Variants in CCDC91 observed in about 807,000 individuals in gnomAD.
The protein encoded by CCDC91 is coiled-coil domain-containing protein 91.
CCDC91 carries 48 observed loss-of-function variants against 63.2 expected under a neutral mutation model. That is an observed-to-expected ratio of 0.76 (90% CI 0.60 to 0.97). CCDC91 has a LOEUF of 0.97. Ranked by LOEUF, CCDC91 falls within the 50% of genes least tolerant of loss-of-function variation. CCDC91 has a pLI of 0.00. For synonymous variants in CCDC91, 167 were observed against 165.8 expected (o/e 1.01, Z -0.06); for missense variants, 500 against 494.6 (o/e 1.01, Z -0.10).
chr12:28,540,676 T>TA (rs1942564281), intron 12 of CCDC91, among the ~76,000 whole-genome samples: 1 of 152,140 alleles, frequency 6.6e-6, no homozygotes, highest in South Asian at 2.1e-4. Flanking sequence ...AATTTGATAA[T>TA]ACATTGTAGA....
In CCDC91 at chr12:28,499,486, C is replaced by T. The variant is rs1178793851; in HGVS notation, c.1215+15321C>T. On this transcript the variant is annotated intron_variant, in intron 12 of 12. Coordinates refer to ENST00000536442, the MANE Select transcript of CCDC91 (RefSeq NM_018318.5). ...CCTGTCATCTATATTAGGTATTTCT[C>T]CTAATGCTATCCTTCCCCTACCCCC... Among the ~76,000 whole-genome samples, 15 of 151,864 alleles carry T rather than the reference C, an allele frequency of 9.9e-5. 1 individual carries two copies. Among genetic ancestry groups the T allele is most frequent in the Admixed American group, 7.2e-4 (11 of 15,190 alleles).
intron 3 of CCDC91, among the ~76,000 whole-genome samples, chr12:28,295,813 G>T (rs188539133): frequency 6.6e-6 from 1 of 152,142 alleles, no homozygotes; most frequent in East Asian, 1.9e-4. Context: ...ATTTTAAAAT[G>T]ATGTGTTCGA....
At chr12:28,452,700 TTCTC>T in intron 11 of CCDC91, 46 bp downstream of exon 11, 5 of 1,101,822 alleles carry the variant, frequency 4.5e-6, no homozygotes, top group African/African-American at 1.6e-5. Context: ...TTTCTCATTT[TTCTC>T]AAAATGAAGT....
In CCDC91 at chr12:28,305,815, A is replaced by G; in HGVS notation, c.267+9A>G. On this transcript the variant is annotated intron_variant, in intron 4 of 12. Transcript: ENST00000536442. ...CTATTCCAAAAGCACAGGTAAAGAC[A>G]AACATATTTTTAAAGGAGGTTTGCA... The G allele has an allele frequency of 6.3e-7, 1 of 1,599,062 alleles. No homozygotes were observed. Among genetic ancestry groups the G allele is most frequent in the Non-Finnish European group, 8.5e-7 (1 of 1,173,432 alleles).
chr12:28,318,888 A>T (rs1033088177), intron 6 of CCDC91, among the ~76,000 whole-genome samples: 14 of 152,026 alleles, frequency 9.2e-5, no homozygotes, highest in African/African-American at 3.1e-4. Context: ...CATCCACAGT[A>T]GTAGACATTT....
At chr12:28,484,806 T>C (rs781726577) in intron 12 of CCDC91, among the ~76,000 whole-genome samples, 23 of 151,500 alleles carry the variant, frequency 1.5e-4, no homozygotes, top group Middle Eastern at 3.4e-3. Flanking sequence ...AGAAACTCTT[T>C]AAGATTAGAT....
chr12:28,340,913 G>A, intron 6 of CCDC91, among the ~76,000 whole-genome samples: 1 of 152,182 alleles, frequency 6.6e-6, no homozygotes, highest in Non-Finnish European at 1.5e-5. Context: ...TCCCATGTGG[G>A]CTTGGAGAAT....
chr12:28,477,308 G>A (rs565645810), intron 11 of CCDC91, among the ~76,000 whole-genome samples: 195 of 152,224 alleles, frequency 1.3e-3, no homozygotes, highest in Non-Finnish European at 2.5e-3. Flanking sequence ...ATGCAAGGCT[G>A]GTTCAACATA....
intron 12 of CCDC91, among the ~76,000 whole-genome samples, chr12:28,538,327 A>G (rs529860496): frequency 3.6e-5 from 5 of 138,012 alleles, no homozygotes; most frequent in Admixed American, 2.4e-4. Flanking sequence ...TCATTGTTCA[A>G]TTCCCACCTA....
At chr12:28,372,397 T>C (rs1482440053) in intron 7 of CCDC91, among the ~76,000 whole-genome samples, 2 of 152,160 alleles carry the variant, frequency 1.3e-5, no homozygotes, top group African/African-American at 2.4e-5. Flanking sequence ...AATTCCATAG[T>C]ATCTGTAGAT....
intron 7 of CCDC91, 127 bp from the exon 8 acceptor site, chr12:28,391,177 A>G (rs536681147): frequency 4.6e-5 from 25 of 540,784 alleles, no homozygotes; most frequent in Non-Finnish European, 8.4e-5. Flanking sequence ...AGTATTAACA[A>G]ATACATATTT....
chr12:28,292,897 T>C (rs1949337436), intron 3 of CCDC91, among the ~76,000 whole-genome samples: 1 of 152,164 alleles, frequency 6.6e-6, no homozygotes, highest in Admixed American at 6.5e-5. Context: ...ATACTTACGT[T>C]GTGTGTACTC....
At chr12:28,466,043 G>A (rs553046195) in intron 11 of CCDC91, among the ~76,000 whole-genome samples, 2 of 151,266 alleles carry the variant, frequency 1.3e-5, no homozygotes, top group Non-Finnish European at 3.0e-5. Flanking sequence ...GAATGCATCA[G>A]AGCCTTTTAG....
intron 7 of CCDC91, among the ~76,000 whole-genome samples, chr12:28,378,604 A>G (rs899820966): frequency 6.6e-6 from 1 of 152,158 alleles, no homozygotes; most frequent in African/African-American, 2.4e-5. Context: ...ACCTGACAGC[A>G]TATCTTTATT....
intron 8 of CCDC91, among the ~76,000 whole-genome samples, chr12:28,406,585 T>G (rs1307144464): frequency 6.6e-6 from 1 of 152,152 alleles, no homozygotes; most frequent in African/African-American, 2.4e-5. Context: ...TCTTTTTATT[T>G]TCCTGATATG....
At chr12:28,300,407 T>C (rs1370195958) in intron 3 of CCDC91, among the ~76,000 whole-genome samples, 1 of 151,564 alleles carries the variant, frequency 6.6e-6, no homozygotes, top group African/African-American at 2.4e-5. Context: ...TTTTGGACTT[T>C]CTGATGTGTT....
At chr12:28,546,099 CA>C (rs1424167600) in intron 12 of CCDC91, among the ~76,000 whole-genome samples, 1 of 152,062 alleles carries the variant, frequency 6.6e-6, no homozygotes, top group Non-Finnish European at 1.5e-5. Context: ...AAGCCACCTC[CA>C]AACTGAATTA....
At chr12:28,234,431 T>C (rs538353054) in intron 1 of CCDC91, among the ~76,000 whole-genome samples, 183 of 152,322 alleles carry the variant, frequency 1.2e-3, no homozygotes, top group African/African-American at 4.0e-3. Flanking sequence ...CTTATCAAAC[T>C]GTTACAAATA....
chr12:28,521,614 T>C (rs558140824), intron 12 of CCDC91, among the ~76,000 whole-genome samples: 15 of 152,156 alleles, frequency 9.9e-5, no homozygotes, highest in African/African-American at 3.6e-4. Flanking sequence ...ACTATGTTGA[T>C]TAGGAGTGGT....
Sources: gnomAD v4.1 joint callset for allele counts (sites outside exome capture counted in the v4.1 genomes callset) on GRCh38, gnomAD v4.1.1 for gene constraint, MANE v1.5 for transcripts, NCBI Gene and HGNC (gene_info 2026-07-23, HGNC 2026-07-21) for gene names.